Variants in PCDH15 observed in about 807,000 individuals in gnomAD.
PCDH15 encodes the protein protocadherin-15.
PCDH15 carries 129 observed loss-of-function variants against 178.5 expected under a neutral mutation model. The ratio of observed to expected loss-of-function variants is 0.72; its 90% CI spans 0.63 to 0.84. The LOEUF is 0.84. Among genes scored for constraint, PCDH15 ranks in the 40% least tolerant of loss-of-function variants. PCDH15 has a pLI of 0.00. For missense variants in PCDH15, 2,230 were observed against 2,099.9 expected, an observed-to-expected ratio of 1.06 and a Z score of -1.21; for synonymous variants, 800 against 732.0, an observed-to-expected ratio of 1.09 and a Z score of -1.50.
chr10:54,947,344 T>A (rs1838221676), intron 2 of PCDH15, among the ~76,000 whole-genome samples: 1 of 151,928 alleles, frequency 6.6e-6, no homozygotes, highest in African/African-American at 2.4e-5. Context: ...AATGCAAACT[T>A]ATATCCTTGT....
At chr10:54,807,661 A>G (rs1952800082) in intron 3 of PCDH15, among the ~76,000 whole-genome samples, 1 of 149,174 alleles carries the variant, frequency 6.7e-6, no homozygotes, top group Non-Finnish European at 1.5e-5. Context: ...ATTACTACAT[A>G]CAAGGTTTAC....
intron 2 of PCDH15, among the ~76,000 whole-genome samples, chr10:55,470,946 T>C (rs565941137): frequency 4.9e-4 from 75 of 152,264 alleles, no homozygotes; most frequent in African/African-American, 1.7e-3. Context: ...TCTTTCACTT[T>C]GTAATATGTA....
At chr10:53,900,566 C>T (rs1012862558) in intron 26 of PCDH15, among the ~76,000 whole-genome samples, 9 of 152,142 alleles carry the variant, frequency 5.9e-5, no homozygotes, top group Non-Finnish European at 7.4e-5. Flanking sequence ...ACCAAACTTT[C>T]GCCAGAATCC....
At chr10:54,031,813 C>T (rs1185675639) in intron 18 of PCDH15, among the ~76,000 whole-genome samples, 2 of 151,998 alleles carry the variant, frequency 1.3e-5, no homozygotes, top group African/African-American at 4.8e-5. Context: ...CATGTTCACG[C>T]TCATACAGCA....
chr10:54,275,484 A>G (rs1029516324), intron 8 of PCDH15, among the ~76,000 whole-genome samples: 5 of 151,918 alleles, frequency 3.3e-5, no homozygotes, highest in African/African-American at 9.7e-5. Context: ...TGATATGCCA[A>G]TTCTCTGGAC....
chr10:55,598,312 T>C (rs1589166718), intron 2 of PCDH15, among the ~76,000 whole-genome samples: 1 of 144,044 alleles, frequency 6.9e-6, no homozygotes, highest in Non-Finnish European at 1.5e-5. Context: ...CAAACTGGGA[T>C]TAGAAACCCC....
intron 3 of PCDH15, among the ~76,000 whole-genome samples, chr10:54,460,534 A>C (rs975486829): frequency 3.9e-5 from 6 of 152,116 alleles, no homozygotes; most frequent in Non-Finnish European, 7.4e-5. Context: ...GGCACCAAAC[A>C]CCAAGAAATA....
intron 25 of PCDH15, among the ~76,000 whole-genome samples, chr10:53,920,412 T>A (rs1270559455): frequency 1.3e-5 from 2 of 151,994 alleles, no homozygotes; most frequent in East Asian, 3.9e-4. Flanking sequence ...ACTATATAAG[T>A]ATATATTAGG....
At chr10:54,444,960 C>T (rs996806179) in intron 3 of PCDH15, among the ~76,000 whole-genome samples, 1 of 151,448 alleles carries the variant, frequency 6.6e-6, no homozygotes, top group Admixed American at 6.6e-5. Context: ...CTTACTTAAT[C>T]TGACAAAATT....
intron 2 of PCDH15, among the ~76,000 whole-genome samples, chr10:55,408,374 C>T (rs1322522391): frequency 4.6e-5 from 7 of 151,758 alleles, no homozygotes; most frequent in Admixed American, 3.3e-4. Context: ...TTAGTAGAGA[C>T]GGGGATTCAC....
intron 3 of PCDH15, among the ~76,000 whole-genome samples, chr10:54,513,386 A>C (rs529843653): frequency 1.5e-3 from 234 of 151,922 alleles, no homozygotes; most frequent in Middle Eastern, 6.8e-3. Flanking sequence ...TCGGCCTCCC[A>C]AGTAGCTGAG....
intron 3 of PCDH15, among the ~76,000 whole-genome samples, chr10:54,493,811 C>T (rs982916742): frequency 2.0e-5 from 3 of 151,946 alleles, no homozygotes; most frequent in Non-Finnish European, 4.4e-5. Context: ...GCACTATTCA[C>T]AATAGCAAAG....
intron 8 of PCDH15, among the ~76,000 whole-genome samples, chr10:54,256,372 G>A (rs949695044): frequency 2.6e-5 from 4 of 152,186 alleles, no homozygotes; most frequent in Admixed American, 2.6e-4. Context: ...AGAAATATTT[G>A]AGATAGGTTG....
chr10:53,870,391 C>A (rs903953701), intron 26 of PCDH15, among the ~76,000 whole-genome samples: 4 of 151,768 alleles, frequency 2.6e-5, no homozygotes, highest in African/African-American at 9.7e-5. Flanking sequence ...AAAATCTTGT[C>A]TACTGGAATT....
chr10:54,697,672 A>AGGGGAAGG lies in PCDH15; in HGVS notation c.-28-33390_-28-33383dup, dbSNP rs1168406893. 2.9e-3 allele frequency among the ~76,000 whole-genome samples: 242 copies of AGGGGAAGG among 83,638 alleles called. 4 individuals carry two copies. The highest frequency in any genetic ancestry group is 4.6e-3 in the Non-Finnish European group (207 of 44,808). 54.9% of individuals were successfully genotyped at this position (83,638 alleles called of 152,430 possible). On this transcript the variant is annotated intron_variant, in intron 1 of 37. Transcript: ENST00000644397. ...AGGAAGGAAGGAAGGGGAAGGGGGA[A>AGGGGAAGG]GGGGAAGGGAGGAAGGGAGGAAGGG...
intron 2 of PCDH15, among the ~76,000 whole-genome samples, chr10:55,096,201 T>C (rs1842447004): frequency 6.6e-6 from 1 of 152,122 alleles, no homozygotes; most frequent in Non-Finnish European, 1.5e-5. Context: ...ATAATTCTGA[T>C]GACAGGAAAC....
intron 1 of PCDH15, among the ~76,000 whole-genome samples, chr10:54,699,197 G>A (rs2095274815): frequency 6.6e-6 from 1 of 151,962 alleles, no homozygotes; most frequent in South Asian, 2.1e-4. Flanking sequence ...ATTTATCAAT[G>A]TTATTGTCAA....
intron 23 of PCDH15, among the ~76,000 whole-genome samples, chr10:53,953,162 G>A (rs955443076): frequency 5.9e-5 from 9 of 152,234 alleles, no homozygotes; most frequent in African/African-American, 2.2e-4. Context: ...TGCAGCAAAT[G>A]CTCCAGACAG....
intron 32 of PCDH15, chr10:53,822,331 A>G (rs1477270007): frequency 6.3e-7 from 1 of 1,595,970 alleles, no homozygotes; most frequent in South Asian, 1.1e-5. Context: ...GTTGAAACGG[A>G]AAGTGGAAAA....
Sources: gnomAD v4.1 joint callset for allele counts (sites outside exome capture counted in the v4.1 genomes callset) on GRCh38, gnomAD v4.1.1 for gene constraint, MANE v1.5 for transcripts, NCBI Gene and HGNC (gene_info 2026-07-23, HGNC 2026-07-21) for gene names.